Variants in MYPOP observed in about 807,000 individuals in gnomAD.
MYPOP encodes Myb related transcription factor, partner of profilin.
Under a neutral mutation model 25.7 loss-of-function variants are expected in MYPOP, and 21 were observed. The ratio of observed to expected loss-of-function variants is 0.82; its 90% CI spans 0.58 to 1.18. The LOEUF (loss-of-function observed/expected upper bound fraction) is 1.18, where lower values mean the gene tolerates loss of function less well. Ranked by LOEUF, MYPOP falls within the 50% of genes most tolerant of loss-of-function variation. The probability of loss-of-function intolerance (pLI) is 0.00; values close to 1 mark genes in which losing one functional copy is unlikely to be tolerated. For synonymous variants in MYPOP, 280 were observed against 247.9 expected (o/e 1.13, Z -1.22); for missense variants, 566 against 588.3 (o/e 0.96, Z 0.39).
At position 45,890,152 on chromosome 19, in the gene MYPOP, C is replaced by T. The variant is rs967274628; in HGVS notation, c.*471G>A. ...GTACCTCTCCCATCAGAACTCGGCG[C>T]CTCCTCTCCCTGGGGTATACACGGC... is the stretch of plus-strand genomic sequence containing the variant. On this transcript the variant is annotated 3_prime_UTR_variant, in exon 3 of 3. Transcript: ENST00000322217. The T allele has an allele frequency of 6.5e-6, 1 of 153,420 alleles. No individual in the cohort carries two copies. Among genetic ancestry groups the T allele is most frequent in the African/African-American group, 2.4e-5 (1 of 41,474 alleles). The allele number at this position is 153,420 out of a possible 1,614,324, so 9.5% of individuals were successfully genotyped here. A position where few individuals can be genotyped will look rare whatever the true frequency, so the allele number is the denominator to read the frequency against.
chr19:45,901,349 G>A lies in MYPOP; in HGVS notation c.425C>T (p.Ser142Leu). 1 of 1,463,612 alleles carries A rather than the reference G, an allele frequency of 6.8e-7. No individual in the cohort carries two copies. Among genetic ancestry groups the A allele is most frequent in the East Asian group, 2.5e-5 (1 of 39,342 alleles). The allele number at this position is 1,463,612 out of a possible 1,614,324, so 90.7% of individuals were successfully genotyped here. A position where few individuals can be genotyped will look rare whatever the true frequency, so the allele number is the denominator to read the frequency against. ...GAEEPPAAPSSQPPPPSACPQ... is the reference protein window; with the variant it reads ...GAEEPPAAPSLQPPPPSACPQ... The stretch of plus-strand genomic sequence containing the variant: ...GCAGGCGCTTGGGGGCGGCGGCTGT[G>A]AAGAGGGGGCCGCAGGGGGCTCCTC... The change falls in exon 2 of 3, where the codon TCA (serine) becomes TTA (leucine). Residue 142 changes from serine (S) to leucine (L), a missense_variant. By Grantham distance (145) the Ser-to-Leu change is moderately radical. Coordinates refer to ENST00000322217, the MANE Select transcript of MYPOP (RefSeq NM_001012643.4). This position sits in a 1 kb window ranked among gnomAD's most constrained non-coding sequence, Gnocchi z 5.7.
At chr19:45,898,269 C>T (rs549496380) in intron 2 of MYPOP, among the ~76,000 whole-genome samples, 42 of 152,058 alleles carry the variant, frequency 2.8e-4, no homozygotes, top group African/African-American at 1.0e-3. Flanking sequence ...TGGTACTACA[C>T]AGAGTGCTGG....
chr19:45,901,731 A>T lies in MYPOP; in HGVS notation c.43T>A (p.Leu15Met), dbSNP rs1180524077. The change falls in exon 2 of 3, where the codon TTG becomes ATG. Residue 15 changes from leucine (L) to methionine (M), a missense_variant. Coordinates refer to ENST00000322217, the MANE Select transcript of MYPOP (RefSeq NM_001012643.4). The surrounding 1 kb of genome is among the most constrained non-coding windows in gnomAD (Gnocchi z 5.7). ...AAGEAEETTR[L>M]RKPRFSFEEN... is the part of the protein sequence containing the mutation. ...TCGAATGAGAAGCGCGGCTTGCGCA[A>T]CCGGGTGGTTTCCTCCGCTTCGCCC... 1 of 1,549,452 alleles carries T rather than the reference A, an allele frequency of 6.5e-7. No individual in the cohort carries two copies. Among genetic ancestry groups the T allele is most frequent in the Non-Finnish European group, 8.7e-7 (1 of 1,151,716 alleles).
chr19:45,901,410 G>T lies in MYPOP; in HGVS notation c.364C>A (p.Pro122Thr), dbSNP rs893320408. ...CCTGCCCCCGGCGCCGCCACACCTG[G>T]CCCCAGGATGGCAAAAATGGTCTCC... is the stretch of plus-strand genomic sequence containing the variant. ...EEETIFAILG[P>T]GVAAPGAGAG... Residue 122 changes from proline to threonine, a missense_variant, in exon 2 of 3, where the codon CCA becomes ACA. By Grantham distance (38) the Pro-to-Thr change is conservative (BLOSUM62 -1). Transcript: ENST00000322217. This position sits in a 1 kb window ranked among gnomAD's most constrained non-coding sequence, Gnocchi z 5.7. 1.3e-6 allele frequency: 2 copies of T among 1,554,928 alleles called. No homozygotes were observed. The highest frequency in any genetic ancestry group is 1.4e-5 in the African/African-American group (1 of 72,400).
rs564936617 is a variant in MYPOP, at chr19:45,890,790, C to T, written c.1033G>A (p.Val345Met). Residue 345 changes from valine (V) to methionine (M), a missense_variant, in exon 3 of 3, where the codon GTG (valine) becomes ATG (methionine). Transcript: ENST00000322217. ...PEPVSVVAAV[V>M]DGAVVAARGV... is the part of the protein sequence containing the mutation. ...CTGGCTGCCACCACTGCCCCGTCCA[C>T]CACAGCAGCCACCACGGACACGGGC... 554 of 1,501,700 alleles carry T rather than the reference C, an allele frequency of 3.7e-4. 4 individuals are homozygous for T. In the South Asian group the frequency reaches 6.8e-3, roughly 18 times the overall value. The allele number at this position is 1,501,700 out of a possible 1,614,324, so 93.0% of individuals were successfully genotyped here. A position where few individuals can be genotyped will look rare whatever the true frequency, so the allele number is the denominator to read the frequency against.
chr19:45,890,755 G>A lies in MYPOP; in HGVS notation c.1068C>T (p.Ile356=), dbSNP rs1199757507. Residue 356 remains isoleucine (I), a synonymous_variant, in exon 3 of 3, where the codon ATC becomes ATT. Coordinates refer to ENST00000322217, the MANE Select transcript of MYPOP (RefSeq NM_001012643.4). ...DGAVVAARGV[I]IAPRSEEGAP... ...CCCCCTCCTCGCTCCTTGGGGCAAT[G>A]ATCACTCCCCTGGCTGCCACCACTG... 6.4e-7 allele frequency: 1 copy of A among 1,550,962 alleles called. No individual in the cohort carries two copies. Among genetic ancestry groups the A allele is most frequent in the Non-Finnish European group, 8.7e-7 (1 of 1,147,300 alleles).
rs758419493 is a variant in MYPOP at position 45,901,359 on chromosome 19, C to T, written c.415G>A (p.Ala139Thr). 16 of 1,467,922 alleles carry T rather than the reference C, an allele frequency of 1.1e-5. No homozygotes were observed. The East Asian group carries it at 1.8e-4, about 16-fold the overall frequency. The allele number at this position is 1,467,922 out of a possible 1,614,324, so 90.9% of individuals were successfully genotyped here. A position where few individuals can be genotyped will look rare whatever the true frequency, so the allele number is the denominator to read the frequency against. Residue 139 changes from alanine to threonine, a missense_variant, in exon 2 of 3, where the codon GCC becomes ACC. Coordinates refer to ENST00000322217, the MANE Select transcript of MYPOP (RefSeq NM_001012643.4). This position sits in a 1 kb window ranked among gnomAD's most constrained non-coding sequence, Gnocchi z 5.7. ...AGAGAEEPPA[A>T]PSSQPPPPSA... ...GGGGGCGGCGGCTGTGAAGAGGGGGCCGCAGGGGGCTCCTCCGCCCCAGCA... is the reference window on the plus strand; with the variant it reads ...GGGGGCGGCGGCTGTGAAGAGGGGGTCGCAGGGGGCTCCTCCGCCCCAGCA...
chr19:45,902,421 T>G (rs931587137), intron 1 of MYPOP, 149 bp downstream of exon 1: 4 of 151,046 alleles, frequency 2.6e-5, no homozygotes, highest in African/African-American at 9.8e-5. Flanking sequence ...GCGAGGATTG[T>G]GGGGGCTCTG....
chr19:45,901,337 G>A lies in MYPOP; in HGVS notation c.437C>T (p.Pro146Leu). Residue 146 changes from proline (P) to leucine (L), a missense_variant, in exon 2 of 3, where the codon CCC (proline) becomes CTC (leucine). Coordinates refer to ENST00000322217, the MANE Select transcript of MYPOP (RefSeq NM_001012643.4). This position sits in a 1 kb window ranked among gnomAD's most constrained non-coding sequence, Gnocchi z 5.7. ...PPAAPSSQPP[P>L]PSACPQRYVL... ...GTAGCGCTGAGGGCAGGCGCTTGGG[G>A]GCGGCGGCTGTGAAGAGGGGGCCGC... is the stretch of plus-strand genomic sequence containing the variant. 2.7e-6 allele frequency: 4 copies of A among 1,458,942 alleles called. No individual in the cohort carries two copies. Among genetic ancestry groups the A allele is most frequent in the Non-Finnish European group, 1.8e-6 (2 of 1,106,500 alleles). The allele number at this position is 1,458,942 out of a possible 1,614,324, so 90.4% of individuals were successfully genotyped here.
chr19:45,892,050 G>A (rs1159406713), intron 2 of MYPOP, among the ~76,000 whole-genome samples: 1 of 152,020 alleles, frequency 6.6e-6, no homozygotes, highest in Non-Finnish European at 1.5e-5. Context: ...CTCCTAAGTA[G>A]CTGGGATTAC....
chr19:45,900,669 T>C (rs1967275356), intron 2 of MYPOP, among the ~76,000 whole-genome samples: 1 of 152,158 alleles, frequency 6.6e-6, no homozygotes, highest in Non-Finnish European at 1.5e-5. Context: ...AGGAAGTTTC[T>C]GTAGTCAGCT....
intron 2 of MYPOP, among the ~76,000 whole-genome samples, chr19:45,899,468 A>G (rs1160596565): frequency 2.0e-5 from 3 of 152,156 alleles, no homozygotes; most frequent in African/African-American, 7.2e-5. Context: ...GGTTTGATTC[A>G]AGGTTTGAGA....
At chr19:45,896,651 C>A (rs1335559676) in intron 2 of MYPOP, among the ~76,000 whole-genome samples, 4 of 148,098 alleles carry the variant, frequency 2.7e-5, no homozygotes, top group African/African-American at 9.9e-5. Flanking sequence ...CGGAGTCTCG[C>A]TCTGTCGCCC....
rs376208437 is a variant in MYPOP, at chr19:45,890,609, A to T, written c.*14T>A. On this transcript the variant is annotated 3_prime_UTR_variant, in exon 3 of 3. Coordinates refer to ENST00000322217, the MANE Select transcript of MYPOP (RefSeq NM_001012643.4). ...GGGGAGAGGGGTTGCAGGCAGGATC[A>T]TAGATAGTAGATTTCACGGAGATTT... is the stretch of plus-strand genomic sequence containing the variant. 3 of 1,611,324 alleles carry T rather than the reference A, an allele frequency of 1.9e-6. No homozygotes were observed. Among genetic ancestry groups the T allele is most frequent in the Non-Finnish European group, 1.7e-6 (2 of 1,178,894 alleles).
chr19:45,894,082 C>A (rs2146376953), intron 2 of MYPOP, among the ~76,000 whole-genome samples: 1 of 151,186 alleles, frequency 6.6e-6, no homozygotes, highest in East Asian at 2.0e-4. Context: ...AGCCACCGCG[C>A]CTGATCCTGT....
At chr19:45,891,490 G>T (rs972223230) in intron 2 of MYPOP, among the ~76,000 whole-genome samples, 167 bp from the exon 3 acceptor site, 1 of 149,406 alleles carries the variant, frequency 6.7e-6, no homozygotes, top group Admixed American at 6.7e-5. Flanking sequence ...AGGCTGTAGT[G>T]CAGTGGTGCA....
intron 2 of MYPOP, among the ~76,000 whole-genome samples, chr19:45,895,023 C>T (rs1967182752): frequency 6.6e-6 from 1 of 151,974 alleles, no homozygotes; most frequent in African/African-American, 2.4e-5. Flanking sequence ...CCTTATATTG[C>T]AATATAATTG....
Position 45,901,192 on chromosome 19 carries a change from C to T in MYPOP, c.499+83G>A. The T allele has an allele frequency of 1.6e-6, 2 of 1,283,846 alleles. No individual in the cohort carries two copies. Among genetic ancestry groups the T allele is most frequent in the Non-Finnish European group, 2.0e-6 (2 of 986,798 alleles). 79.5% of individuals were successfully genotyped at this position (1,283,846 alleles called of 1,614,324 possible). A position where few individuals can be genotyped will look rare whatever the true frequency, so the allele number is the denominator to read the frequency against. On this transcript the variant is annotated intron_variant, in intron 2 of 2. Coordinates refer to ENST00000322217, the MANE Select transcript of MYPOP (RefSeq NM_001012643.4). This position sits in a 1 kb window ranked among gnomAD's most constrained non-coding sequence, Gnocchi z 5.7. Reference sequence around the variant, plus strand: ...ATGGGGCGAAGGACAGCATCCACCTCACAGGGCTGCAGCAAGGCTTTGATG... The same window carrying T: ...ATGGGGCGAAGGACAGCATCCACCTTACAGGGCTGCAGCAAGGCTTTGATG...
Position 45,901,559 on chromosome 19 carries a change from G to T in MYPOP, c.215C>A (p.Thr72Lys). 2 of 1,612,166 alleles carry T rather than the reference G, an allele frequency of 1.2e-6. No homozygotes were observed. The highest frequency in any genetic ancestry group is 8.5e-7 in the Non-Finnish European group (1 of 1,179,642). The change falls in exon 2 of 3, where the codon ACG becomes AAG. Residue 72 changes from threonine (T) to lysine (K), a missense_variant. Thr to Lys is a moderately conservative substitution (Grantham distance 78, BLOSUM62 -1). Coordinates refer to ENST00000322217, the MANE Select transcript of MYPOP (RefSeq NM_001012643.4). This position sits in a 1 kb window ranked among gnomAD's most constrained non-coding sequence, Gnocchi z 5.7. ...CCAGCGCTTCTGCACCTCCTGGCCCGTGCGCTTCCAGCTGGTGATACCGTT... is the reference window on the plus strand; with the variant it reads ...CCAGCGCTTCTGCACCTCCTGGCCCTTGCGCTTCCAGCTGGTGATACCGTT... ...KINGITSWKRTGQEVQKRWND... is the reference protein window; with the variant it reads ...KINGITSWKRKGQEVQKRWND...
Sources: gnomAD v4.1 joint callset for allele counts (sites outside exome capture counted in the v4.1 genomes callset) on GRCh38, gnomAD v4.1.1 for gene constraint, Gnocchi (gnomAD v3.1) non-coding constraint, MANE v1.5 for transcripts, NCBI Gene and HGNC (gene_info 2026-07-23, HGNC 2026-07-21) for gene names.